The following CSNK2A1 variants were observed in gnomAD, a reference collection of about 807,000 sequenced individuals.
The protein encoded by CSNK2A1 is casein kinase II subunit alpha.
A neutral mutation model predicts 62.9 loss-of-function variants in CSNK2A1; 10 were observed. The ratio of observed to expected loss-of-function variants is 0.16; its 90% CI spans 0.10 to 0.27. CSNK2A1 has a LOEUF of 0.27. Among genes scored for constraint, CSNK2A1 ranks in the 10% least tolerant of loss-of-function variants. The pLI, the probability that CSNK2A1 is intolerant of heterozygous loss-of-function variation, is 1.00. For missense variants in CSNK2A1, 160 were observed against 492.0 expected (o/e 0.33, Z 6.38); for synonymous variants, 124 against 167.8 (o/e 0.74, Z 2.02).
chr20:493,974 G>A (rs1227509284), intron 8 of CSNK2A1, among the ~76,000 whole-genome samples: 1 of 151,126 alleles, frequency 6.6e-6, no homozygotes, highest in African/African-American at 2.4e-5. Flanking sequence ...TATATGGTAT[G>A]GATATGCCAG....
chr20:484,115 C>T (rs541995088), intron 13 of CSNK2A1, 39 bp from the exon 14 acceptor site: 1 of 1,469,410 alleles, frequency 6.8e-7, no homozygotes, highest in African/African-American at 1.4e-5. Flanking sequence ...AAGACACCAA[C>T]CATGGCAATC....
intron 2 of CSNK2A1, among the ~76,000 whole-genome samples, chr20:518,347 C>T (rs906036340): frequency 4.6e-5 from 7 of 151,990 alleles, no homozygotes; most frequent in African/African-American, 1.7e-4. Context: ...GGCATACTTC[C>T]TAATGGTGAG....
chr20:524,553 AAACAAC>A (rs994195766), intron 2 of CSNK2A1, among the ~76,000 whole-genome samples: 2 of 151,462 alleles, frequency 1.3e-5, no homozygotes, highest in Non-Finnish European at 2.9e-5. Context: ...CTCTACTTAA[AAACAAC>A]AACAACAACA....
intron 1 of CSNK2A1, among the ~76,000 whole-genome samples, chr20:529,971 T>A (rs1471960830): frequency 6.6e-6 from 1 of 152,146 alleles, no homozygotes; most frequent in African/African-American, 2.4e-5. Context: ...TTGGCTCACA[T>A]ATTACTTTTA....
At chr20:501,267 G>A (rs1470175523) in intron 4 of CSNK2A1, 1 of 152,142 alleles carries the variant, frequency 6.6e-6, no homozygotes, top group Non-Finnish European at 1.5e-5. Flanking sequence ...GTTTCATCAT[G>A]TTGGTCAGGA....
At chr20:497,929 ATTAACT>A (rs1467626610) in intron 6 of CSNK2A1, 149 bp from the exon 7 acceptor site, 2 of 624,628 alleles carry the variant, frequency 3.2e-6, no homozygotes, top group Admixed American at 2.9e-5. Flanking sequence ...CCAACATTAC[ATTAACT>A]TTAAAGAGAT....
chr20:539,842 A>C (rs953408027), intron 1 of CSNK2A1: 17 of 152,254 alleles, frequency 1.1e-4, no homozygotes, highest in African/African-American at 3.6e-4. Context: ...CAAAACAGTA[A>C]GTCCAATTCC....
chr20:494,509 T>C (rs1043655310), intron 8 of CSNK2A1: 3 of 152,384 alleles, frequency 2.0e-5, no homozygotes, highest in Non-Finnish European at 2.9e-5. Flanking sequence ...TGCCAAACTT[T>C]GCATTCCTAC....
intron 2 of CSNK2A1, among the ~76,000 whole-genome samples, chr20:525,456 C>T (rs549662039): frequency 1.1e-3 from 161 of 151,160 alleles, no homozygotes; most frequent in Middle Eastern, 6.9e-3. Flanking sequence ...ATCGAGACCA[C>T]CCTGGCTAAC....
At position 481,772 on chromosome 20, in the gene CSNK2A1, A is replaced by C. The variant is rs2017960980; in HGVS notation, c.*2189T>G. ...CAACCCTCTCCCCACCTCAAAAGAA[A>C]GAACTCATTAGTTATAAGTGTCCTG... On this transcript the variant is annotated 3_prime_UTR_variant, in exon 14 of 14. Transcript: ENST00000217244. 1 of 152,306 alleles carries C rather than the reference A, an allele frequency of 6.6e-6. No homozygotes were observed. Among genetic ancestry groups the C allele is most frequent in the Non-Finnish European group, 1.5e-5 (1 of 68,028 alleles). 9.4% of individuals were successfully genotyped at this position (152,306 alleles called of 1,614,324 possible). A position where few individuals can be genotyped will look rare whatever the true frequency, so the allele number is the denominator to read the frequency against.
intron 10 of CSNK2A1, 46 bp downstream of exon 10, chr20:489,734 A>G (rs760390042): frequency 6.7e-7 from 1 of 1,490,934 alleles, no homozygotes; most frequent in African/African-American, 1.4e-5. Context: ...GCTGGCTATC[A>G]TTGCATTAGG....
chr20:533,754 G>T (rs1189452239), intron 1 of CSNK2A1, among the ~76,000 whole-genome samples: 1 of 152,170 alleles, frequency 6.6e-6, no homozygotes, highest in Non-Finnish European at 1.5e-5. Context: ...CCCAGAAAAG[G>T]GATCTGAGTG....
At chr20:486,779 C>T (rs1432880407) in intron 12 of CSNK2A1, 6 of 285,550 alleles carry the variant, frequency 2.1e-5, no homozygotes, top group East Asian at 7.5e-5. Flanking sequence ...CACTGTAACT[C>T]GGCAAAGACG....
intron 1 of CSNK2A1, among the ~76,000 whole-genome samples, chr20:531,388 G>A (rs2019209585): frequency 6.6e-6 from 1 of 151,924 alleles, no homozygotes; most frequent in South Asian, 2.1e-4. Context: ...TTATTGACTC[G>A]ACTCCTGAAG....
At chr20:484,692 T>TG (rs1568495467) in intron 13 of CSNK2A1, among the ~76,000 whole-genome samples, 1 of 129,514 alleles carries the variant, frequency 7.7e-6, no homozygotes, top group African/African-American at 3.5e-5. Flanking sequence ...CTAATCATGT[T>TG]TTTGTGTGTG....
intron 7 of CSNK2A1, among the ~76,000 whole-genome samples, 184 bp downstream of exon 7, chr20:497,537 G>C (rs1032224630): frequency 3.3e-5 from 5 of 152,066 alleles, no homozygotes; most frequent in Non-Finnish European, 1.5e-5. Flanking sequence ...CAATCCTCCT[G>C]CCTCAGCCTT....
chr20:485,333 C>T (rs535719199), intron 13 of CSNK2A1, among the ~76,000 whole-genome samples: 5 of 151,468 alleles, frequency 3.3e-5, no homozygotes, highest in East Asian at 2.0e-4. Flanking sequence ...AAGGCGCCGC[C>T]GCCACGCCCA....
chr20:484,867 G>A (rs2018036305), intron 13 of CSNK2A1, among the ~76,000 whole-genome samples: 1 of 151,308 alleles, frequency 6.6e-6, no homozygotes, highest in African/African-American at 2.4e-5. Context: ...AGGAGTTCAA[G>A]ACCAGCCTGG....
In CSNK2A1 at chr20:483,953, T is replaced by C. The variant is rs746932595; in HGVS notation, c.*8A>G. The C allele has an allele frequency of 1.3e-4, 211 of 1,609,432 alleles. No individual in the cohort carries two copies. Among genetic ancestry groups the C allele is most frequent in the Non-Finnish European group, 1.7e-4 (203 of 1,178,272 alleles). On this transcript the variant is annotated 3_prime_UTR_variant, in exon 14 of 14. Transcript: ENST00000217244. Reference sequence around the variant, plus strand: ...CTCTGCTCAGGCATCAGGAGACAGATAGGGCCGTTACTGCTGAGCGCCAGC... The same window carrying C: ...CTCTGCTCAGGCATCAGGAGACAGACAGGGCCGTTACTGCTGAGCGCCAGC...
Sources: allele counts gnomAD v4.1 joint callset (sites outside exome capture counted in the v4.1 genomes callset), GRCh38; gene constraint gnomAD v4.1.1; transcripts MANE v1.5; gene names NCBI Gene and HGNC (gene_info 2026-07-23, HGNC 2026-07-21).